The following MACF1 variants were observed in gnomAD, a reference collection of about 807,000 sequenced individuals.
The protein encoded by MACF1 is microtubule-actin cross-linking factor 1.
A neutral mutation model predicts 854.8 loss-of-function variants in MACF1; 193 were observed. The observed-to-expected ratio is 0.23, with a 90% CI of 0.20 to 0.25. The LOEUF (loss-of-function observed/expected upper bound fraction) is 0.25. Among genes scored for constraint, MACF1 ranks in the 10% least tolerant of loss-of-function variants. MACF1 has a pLI of 1.00. For missense variants in MACF1, 7,722 were observed against 8,929.1 expected, an observed-to-expected ratio of 0.86 and a Z score of 5.45; for synonymous variants, 3,185 against 3,226.7, an observed-to-expected ratio of 0.99 and a Z score of 0.44.
intron 2 of MACF1, among the ~76,000 whole-genome samples, chr1:39,120,143 G>A (rs374884987): frequency 1.3e-5 from 2 of 151,686 alleles, no homozygotes; most frequent in East Asian, 3.9e-4. Flanking sequence ...CTTGGCCTCC[G>A]AAAGTGCTGG....
chr1:39,336,381 A>G lies in MACF1; in HGVS notation c.9793A>G (p.Arg3265Gly). The change falls in exon 37 of 101, where the codon AGA (arginine) becomes GGA (glycine). Residue 3265 changes from arginine (R) to glycine (G), a missense_variant. Around this residue, in one of 15 missense-constraint regions of MACF1, gnomAD observed 854 missense variants for 852.6 expected, o/e 1.00. Coordinates refer to ENST00000564288, the MANE Select transcript of MACF1 (RefSeq NM_001394062.1). ...IEDIVTQRGS[R>G]VLGSFLPEKL... is the part of the protein sequence containing the mutation. ...GGACATAGTGACTCAGAGAGGTTCCAGAGTCTTGGGATCCTTTCTTCCAGA... is the reference window on the plus strand; with the variant it reads ...GGACATAGTGACTCAGAGAGGTTCCGGAGTCTTGGGATCCTTTCTTCCAGA... 2 of 1,614,252 alleles carry G rather than the reference A, an allele frequency of 1.2e-6. No homozygotes were observed. Among genetic ancestry groups the G allele is most frequent in the South Asian group, 1.1e-5 (1 of 91,090 alleles).
intron 1 of MACF1, among the ~76,000 whole-genome samples, chr1:39,224,115 A>G (rs1280582422): frequency 6.6e-6 from 1 of 152,184 alleles, no homozygotes; most frequent in Non-Finnish European, 1.5e-5. Context: ...TGTTCATTAA[A>G]TCATTAAGGG....
chr1:39,342,202 A>G (rs1646949598), intron 40 of MACF1, among the ~76,000 whole-genome samples: 3 of 152,088 alleles, frequency 2.0e-5, no homozygotes, highest in Admixed American at 1.3e-4. Context: ...CTCCAGCTCC[A>G]TCCATATTGC....
intron 68 of MACF1, among the ~76,000 whole-genome samples, chr1:39,433,374 T>C (rs1643908297): frequency 1.3e-5 from 2 of 152,204 alleles, no homozygotes; most frequent in African/African-American, 4.8e-5. Context: ...ATATTGCAAA[T>C]CCATCTTCTT....
At chr1:39,325,667 C>T (rs1646596467) in intron 35 of MACF1, among the ~76,000 whole-genome samples, 1 of 152,078 alleles carries the variant, frequency 6.6e-6, no homozygotes, top group Non-Finnish European at 1.5e-5. Flanking sequence ...CAACCTTAAA[C>T]AGGAAATTGG....
At position 39,102,856 on chromosome 1, in the gene MACF1, CTG is replaced by C. The variant is rs1301061516; in HGVS notation, c.220+18420_220+18421del. 17 of 702,564 alleles carry C rather than the reference CTG, an allele frequency of 2.4e-5. No individual in the cohort carries two copies. In the East Asian group the frequency reaches 4.3e-4, roughly 18 times the overall value. The allele number at this position is 702,564 out of a possible 1,614,324, so 43.5% of individuals were successfully genotyped here. On this transcript the variant is annotated intron_variant, in intron 2 of 93. Coordinates refer to the MACF1 transcript ENST00000361689. Reference sequence around the variant, plus strand: ...TGTGTGGTCTGGCTATAAATTTAGACTGTTGCTTGAAAGAAGCGAAAAACCTC... The same window carrying C: ...TGTGTGGTCTGGCTATAAATTTAGACTTGCTTGAAAGAAGCGAAAAACCTC...
Position 39,283,706 on chromosome 1 carries a change from G to A in MACF1, c.915+191G>A, listed in dbSNP as rs895449548. On this transcript the variant is annotated intron_variant, in intron 9 of 100. Transcript: ENST00000564288. This position sits in a 1 kb window ranked among gnomAD's most constrained non-coding sequence, Gnocchi z 4.5. ...GATATTGCTAATTTTGTAACAATTA[G>A]CATAGACTATTTGGTGCTAAATGCC... Among the ~76,000 whole-genome samples, 1 of 152,182 alleles carries A rather than the reference G, an allele frequency of 6.6e-6. No homozygotes were observed. The highest frequency in any genetic ancestry group is 1.5e-5 in the Non-Finnish European group (1 of 68,028).
rs71060310 is a variant in MACF1 at position 39,331,172 on chromosome 1, C to CTTTTT, written c.4615-7_4615-3dup. 64 of 1,302,900 alleles carry CTTTTT rather than the reference C, an allele frequency of 4.9e-5. 1 individual carries two copies. The highest frequency in any genetic ancestry group is 3.9e-4 in the African/African-American group (19 of 48,826). 80.7% of individuals were successfully genotyped at this position (1,302,900 alleles called of 1,614,324 possible). ...TCAGTTTTCTTTTTCTTCTCTTTTC[C>CTTTTT]TTTTTTTTTTTTTTTTTTTTTTTTT... On this transcript the variant is annotated intron_variant, in intron 36 of 100. Coordinates refer to ENST00000564288, the MANE Select transcript of MACF1 (RefSeq NM_001394062.1).
chr1:39,277,081 T>G (rs1230795767), intron 6 of MACF1, among the ~76,000 whole-genome samples: 1 of 151,982 alleles, frequency 6.6e-6, no homozygotes, highest in Non-Finnish European at 1.5e-5. Context: ...AATTTTTTTT[T>G]GAATCACTCA....
chr1:39,477,243 G>T (rs1373923051), intron 97 of MACF1, among the ~76,000 whole-genome samples: 1 of 151,204 alleles, frequency 6.6e-6, no homozygotes, highest in Non-Finnish European at 1.5e-5. Context: ...TTTGGTTTTT[G>T]AGACAGCGTC....
At chr1:39,443,652 T>TA (rs1644163857) in intron 79 of MACF1, 78 bp downstream of exon 79, 3 of 1,410,266 alleles carry the variant, frequency 2.1e-6, no homozygotes, top group Non-Finnish European at 1.9e-6. Flanking sequence ...TCATAATTAA[T>TA]ATGTATCTGG....
chr1:39,459,957 C>A, intron 91 of MACF1: 1 of 621,794 alleles, frequency 1.6e-6, no homozygotes, highest in Non-Finnish European at 2.6e-6. Context: ...GGGGAAACTG[C>A]TGCACTCTTT....
chr1:39,438,110 AG>A, intron 71 of MACF1, 102 bp downstream of exon 71: 1 of 1,076,264 alleles, frequency 9.3e-7, no homozygotes, highest in Non-Finnish European at 1.3e-6. Context: ...TTGAATGTAA[AG>A]GCAGTCCCCA....
intron 2 of MACF1, among the ~76,000 whole-genome samples, chr1:39,196,906 C>G (rs1382523296): frequency 6.6e-6 from 1 of 152,138 alleles, no homozygotes; most frequent in Non-Finnish European, 1.5e-5. Flanking sequence ...TGTGGGTAAT[C>G]CCAAAGAGAG....
intron 1 of MACF1, among the ~76,000 whole-genome samples, chr1:39,226,774 C>T (rs591199): frequency 0.95 from 144,421 of 152,288 alleles, 68,578 homozygotes; most frequent in East Asian, 1. Flanking sequence ...AATCTGTTAA[C>T]TTTTTCCTTT....
At chr1:39,480,771 C>T (rs1476007027) in intron 98 of MACF1, 149 bp from the exon 99 acceptor site, 1 of 604,964 alleles carries the variant, frequency 1.7e-6, no homozygotes, top group Non-Finnish European at 3.0e-6. Flanking sequence ...TGGTCCTTCT[C>T]ATCCTGATGG....
rs540498511 is a variant in MACF1 at position 39,344,833 on chromosome 1, A to G, written c.10582-2144A>G. Among the ~76,000 whole-genome samples, 223 of 152,246 alleles carry G rather than the reference A, an allele frequency of 1.5e-3. 1 individual carries two copies. The highest frequency in any genetic ancestry group is 2.5e-3 in the Non-Finnish European group (167 of 68,010). ...AGATCTTACCTGGAAGCTGCTAATC[A>G]CCAGCTTTAGGTGTTTTCTATCTAT... is the stretch of plus-strand genomic sequence containing the variant. On this transcript the variant is annotated intron_variant, in intron 40 of 100. Coordinates refer to ENST00000564288, the MANE Select transcript of MACF1 (RefSeq NM_001394062.1).
chr1:39,190,395 G>GTTTTTTTTTTTTTTTTTTTTTTT (rs750262685), intron 2 of MACF1, among the ~76,000 whole-genome samples: 1 of 79,040 alleles, frequency 1.3e-5, no homozygotes, highest in Non-Finnish European at 2.4e-5. Flanking sequence ...GTGTGTGTTT[G>GTTTTTTTTTTTTTTTTTTTTTTT]TTTTTGTTTT....
chr1:39,337,478 G>T (rs1329233696), intron 38 of MACF1, 147 bp downstream of exon 38: 1 of 712,598 alleles, frequency 1.4e-6, no homozygotes, highest in East Asian at 2.9e-5. Flanking sequence ...TTATGGGATG[G>T]GCTACATTTG....
Sources: gnomAD v4.1 joint callset for allele counts (sites outside exome capture counted in the v4.1 genomes callset) on GRCh38, gnomAD v4.1.1 for gene constraint, gnomAD v4.1.1 regional missense constraint, Gnocchi (gnomAD v3.1) non-coding constraint, MANE v1.5 for transcripts, NCBI Gene and HGNC (gene_info 2026-07-23, HGNC 2026-07-21) for gene names.